The following KLF12 variants were observed in gnomAD, a reference collection of about 807,000 sequenced individuals.
KLF12 encodes KLF transcription factor 12.
Under a neutral mutation model 37.8 loss-of-function variants are expected in KLF12, and 9 were observed. That is an observed-to-expected ratio of 0.24 (90% CI 0.14 to 0.42). KLF12 has a LOEUF of 0.42. Among genes scored for constraint, KLF12 ranks in the 10% least tolerant of loss-of-function variants. The pLI, the probability that KLF12 is intolerant of heterozygous loss-of-function variation, is 1.00. For missense variants in KLF12, 411 were observed against 516.0 expected, an observed-to-expected ratio of 0.80 and a Z score of 1.97; for synonymous variants, 208 against 202.1, an observed-to-expected ratio of 1.03 and a Z score of -0.25.
At chr13:73,777,904 G>A (rs1880720289) in intron 5 of KLF12, among the ~76,000 whole-genome samples, 1 of 151,856 alleles carries the variant, frequency 6.6e-6, no homozygotes, top group Non-Finnish European at 1.5e-5. Flanking sequence ...GGCCGAGGCG[G>A]GCAGATCACC....
At chr13:74,046,796 A>T (rs1386337642) in intron 1 of KLF12, among the ~76,000 whole-genome samples, 3 of 152,194 alleles carry the variant, frequency 2.0e-5, no homozygotes, top group African/African-American at 7.2e-5. Context: ...AACCACAGAT[A>T]CTTTCATTTG....
intron 7 of KLF12, among the ~76,000 whole-genome samples, chr13:73,702,719 C>G (rs1225153624): frequency 6.6e-6 from 1 of 152,120 alleles, no homozygotes; most frequent in Non-Finnish European, 1.5e-5. Context: ...TCATTACATT[C>G]AAGGCTCAAC....
chr13:74,073,667 C>T (rs1001603143), intron 1 of KLF12, among the ~76,000 whole-genome samples: 3 of 152,096 alleles, frequency 2.0e-5, no homozygotes, highest in East Asian at 1.9e-4. Context: ...CCACAAAATA[C>T]ACTATTTGCA....
chr13:73,985,794 G>A (rs1891812431), intron 2 of KLF12, among the ~76,000 whole-genome samples: 1 of 152,112 alleles, frequency 6.6e-6, no homozygotes, highest in East Asian at 1.9e-4. Context: ...AAAAGAAAAA[G>A]CTATACAGAA....
At chr13:73,846,438 T>C in intron 3 of KLF12, 65 bp from the exon 4 acceptor site, 2 of 1,373,894 alleles carry the variant, frequency 1.5e-6, no homozygotes, top group Non-Finnish European at 2.0e-6. Context: ...GATGCATGGC[T>C]TACCACTTGA....
the KLF12 span, among the ~76,000 whole-genome samples, chr13:74,230,664 C>G: frequency 1.3e-5 from 2 of 152,200 alleles, no homozygotes; most frequent in Non-Finnish European, 2.9e-5. Flanking sequence ...TCCTCACGTA[C>G]TCGGGATGAA....
At chr13:73,987,535 A>G (rs1329450610) in intron 2 of KLF12, among the ~76,000 whole-genome samples, 1 of 151,760 alleles carries the variant, frequency 6.6e-6, no homozygotes, top group African/African-American at 2.4e-5. Flanking sequence ...AAGAACCACT[A>G]TAATCAAGTG....
chr13:73,806,216 G>T (rs1882616805), intron 5 of KLF12, among the ~76,000 whole-genome samples: 2 of 150,872 alleles, frequency 1.3e-5, no homozygotes, highest in African/African-American at 4.9e-5. Flanking sequence ...AAGCAATTCT[G>T]CCTCAGCCCC....
Position 73,715,307 on chromosome 13 carries a change from A to G in KLF12, c.1027+61T>C. On this transcript the variant is annotated intron_variant, in intron 7 of 7. Coordinates refer to ENST00000377669, the MANE Select transcript of KLF12 (RefSeq NM_007249.5). ...ATGAGTACGAAAGGCTCCCGAGGTA[A>G]GTGGCCGGCGCTTTATGGACTCTCA... 7 of 1,489,428 alleles carry G rather than the reference A, an allele frequency of 4.7e-6. No individual in the cohort carries two copies. The South Asian group carries it at 7.5e-5, about 16-fold the overall frequency. 92.3% of individuals were successfully genotyped at this position (1,489,428 alleles called of 1,614,324 possible).
At chr13:74,256,307 T>C in the KLF12 span, among the ~76,000 whole-genome samples, 2 of 151,794 alleles carry the variant, frequency 1.3e-5, no homozygotes, top group African/African-American at 4.8e-5. Flanking sequence ...ACAAAACACA[T>C]AACTGAAAAT....
intron 5 of KLF12, among the ~76,000 whole-genome samples, chr13:73,797,022 T>C (rs561181652): frequency 2.0e-5 from 3 of 152,256 alleles, no homozygotes; most frequent in African/African-American, 4.8e-5. Flanking sequence ...GAGGAAGCAG[T>C]GCATTTATTG....
At chr13:73,720,136 G>C (rs955213156) in intron 6 of KLF12, among the ~76,000 whole-genome samples, 13 of 152,106 alleles carry the variant, frequency 8.5e-5, no homozygotes, top group African/African-American at 3.1e-4. Flanking sequence ...ATTTAGATAA[G>C]CTGGAAAAAG....
chr13:74,191,223 A>G, the KLF12 span, among the ~76,000 whole-genome samples: 3 of 152,226 alleles, frequency 2.0e-5, no homozygotes, highest in Non-Finnish European at 4.4e-5. Context: ...CTGAATTAGC[A>G]GGAAAATTCA....
At chr13:73,869,554 C>G (rs927918313) in intron 3 of KLF12, among the ~76,000 whole-genome samples, 1 of 151,956 alleles carries the variant, frequency 6.6e-6, no homozygotes, top group African/African-American at 2.4e-5. Context: ...GGCCCAGTCC[C>G]CTTATCTTTG....
chr13:74,160,586 G>C, the KLF12 span, among the ~76,000 whole-genome samples: 1 of 152,156 alleles, frequency 6.6e-6, no homozygotes, highest in Non-Finnish European at 1.5e-5. Flanking sequence ...CACAGGGGGA[G>C]AAAATATGGC....
chr13:73,951,975 T>C (rs1053575103), intron 2 of KLF12, among the ~76,000 whole-genome samples: 9 of 152,204 alleles, frequency 5.9e-5, no homozygotes, highest in African/African-American at 2.2e-4. Context: ...TAAAAAAATA[T>C]AAGATCCAAT....
chr13:73,854,859 G>A (rs577078694), intron 3 of KLF12, among the ~76,000 whole-genome samples: 8 of 152,216 alleles, frequency 5.3e-5, no homozygotes, highest in South Asian at 2.1e-4. Flanking sequence ...GGTTGAATCC[G>A]CAGATGTGGA....
At chr13:73,731,717 TA>T (rs1364247467) in intron 6 of KLF12, among the ~76,000 whole-genome samples, 1 of 152,086 alleles carries the variant, frequency 6.6e-6, no homozygotes, top group Non-Finnish European at 1.5e-5. Context: ...GAGATGCACT[TA>T]AGTGGAGGGA....
chr13:73,825,079 A>G (rs1201690063), intron 4 of KLF12, among the ~76,000 whole-genome samples: 2 of 145,376 alleles, frequency 1.4e-5, no homozygotes, highest in Non-Finnish European at 3.1e-5. Context: ...CAAAAAAAAA[A>G]ACAATAGAAA....
Sources: allele counts gnomAD v4.1 joint callset (sites outside exome capture counted in the v4.1 genomes callset), GRCh38; gene constraint gnomAD v4.1.1; transcripts MANE v1.5; gene names NCBI Gene and HGNC (gene_info 2026-07-23, HGNC 2026-07-21).